SLC7A6: variants seen among roughly 807,000 people sequenced by gnomAD.
The protein encoded by SLC7A6 is solute carrier family 7 member 6.
Under a neutral mutation model 46.6 loss-of-function variants are expected in SLC7A6, and 29 were observed. The observed-to-expected ratio is 0.62, with a 90% confidence interval of 0.46 to 0.85. The LOEUF (loss-of-function observed/expected upper bound fraction) is 0.85. SLC7A6 is among the 40% of genes least tolerant of loss of function. The pLI, the probability that SLC7A6 is intolerant of heterozygous loss-of-function variation, is 0.00. For synonymous variants in SLC7A6, 276 were observed against 257.3 expected (o/e 1.07, Z -0.70); for missense variants, 527 against 647.6 (o/e 0.81, Z 2.02).
intron 7 of SLC7A6, chr16:68,291,923 A>AT (rs1371912927): frequency 4.8e-6 from 2 of 419,608 alleles, no homozygotes; most frequent in Non-Finnish European, 8.6e-6. Flanking sequence ...TTGATAGCTC[A>AT]TATTTATGTG....
At chr16:68,286,542 T>G (rs967610223) in intron 3 of SLC7A6, among the ~76,000 whole-genome samples, 7 of 152,138 alleles carry the variant, frequency 4.6e-5, no homozygotes, top group Non-Finnish European at 8.8e-5. Flanking sequence ...TAGTAAGATT[T>G]GAGGTGCACA....
chr16:68,278,653 C>A (rs1037737382), intron 3 of SLC7A6, among the ~76,000 whole-genome samples: 4 of 152,052 alleles, frequency 2.6e-5, no homozygotes, highest in Non-Finnish European at 5.9e-5. Context: ...CAACAGCATC[C>A]CAAGGCAGAA....
chr16:68,297,209 C>G (rs1285615924), intron 10 of SLC7A6, 25 bp from the exon 11 acceptor site: 12 of 1,609,376 alleles, frequency 7.5e-6, no homozygotes, highest in African/African-American at 1.3e-5. Flanking sequence ...TTACTAAACC[C>G]TGTGCTTGCT....
chr16:68,274,842 T>C lies in SLC7A6; in HGVS notation c.116T>C (p.Met39Thr), dbSNP rs1001326796. 3 of 1,614,206 alleles carry C rather than the reference T, an allele frequency of 1.9e-6. No homozygotes were observed. The Admixed American group carries it at 5.0e-5, about 27-fold the overall frequency. ...CCACCTCAAAGGTCCTCCGAAACTA[T>C]GCAGCTGAAGAAGGAGATCTCCCTG... The part of the protein sequence containing the change: ...SSPPQRSSET[M>T]QLKKEISLLN... Residue 39 changes from methionine (M) to threonine (T), a missense_variant, in exon 3 of 11, where the codon ATG (methionine) becomes ACG (threonine). Met to Thr is a moderately conservative substitution (Grantham distance 81, BLOSUM62 -1). Transcript: ENST00000219343.
intron 4 of SLC7A6, chr16:68,290,056 A>G (rs1299015767): frequency 1.4e-5 from 3 of 215,640 alleles, no homozygotes; most frequent in African/African-American, 6.9e-5. Flanking sequence ...AGGGTTTTGG[A>G]AGAAGTATTG....
At chr16:68,265,372 G>A (rs536726049) in intron 1 of SLC7A6, 6 of 152,326 alleles carry the variant, frequency 3.9e-5, no homozygotes, top group Admixed American at 3.9e-4. Flanking sequence ...GTAATGGTCA[G>A]TATAAATAGG....
At chr16:68,270,196 T>C (rs1172833370) in intron 2 of SLC7A6, among the ~76,000 whole-genome samples, 1 of 123,356 alleles carries the variant, frequency 8.1e-6, no homozygotes, top group Non-Finnish European at 1.7e-5. Context: ...TGTTGTCTGG[T>C]TCAGCCTCAG....
chr16:68,301,086 A>C lies in SLC7A6; in HGVS notation c.*3758A>C. ...GATTGAGGCAAAGGGGTCCTACTGT[A>C]AGTGGAAAAGACTCACTCCCCTAAC... On this transcript the variant is annotated 3_prime_UTR_variant, in exon 11 of 11. Coordinates refer to ENST00000219343, the MANE Select transcript of SLC7A6 (RefSeq NM_003983.6). 7.7e-7 allele frequency: 1 copy of C among 1,294,110 alleles called. No homozygotes were observed. The highest frequency in any genetic ancestry group is 9.8e-7 in the Non-Finnish European group (1 of 1,019,436). 80.2% of individuals were successfully genotyped at this position (1,294,110 alleles called of 1,614,324 possible). A position where few individuals can be genotyped will look rare whatever the true frequency, so the allele number is the denominator to read the frequency against.
At position 68,281,100 on chromosome 16, in the gene SLC7A6, T is replaced by A. The variant is rs1596986046; in HGVS notation, c.523+5851T>A. On this transcript the variant is annotated intron_variant, in intron 3 of 10. Coordinates refer to ENST00000219343, the MANE Select transcript of SLC7A6 (RefSeq NM_003983.6). ...CTGTAGTCCTCCACTTCTTGTATTATCCCCAGACTTTCTTGCCTTTGCTCA... is the reference window on the plus strand; with the variant it reads ...CTGTAGTCCTCCACTTCTTGTATTAACCCCAGACTTTCTTGCCTTTGCTCA... Among the ~76,000 whole-genome samples, 5 of 152,178 alleles carry A rather than the reference T, an allele frequency of 3.3e-5. No homozygotes were observed. In the South Asian group the frequency reaches 8.3e-4, roughly 25 times the overall value.
intron 8 of SLC7A6, 75 bp from the exon 9 acceptor site, chr16:68,296,289 A>G: frequency 6.4e-7 from 1 of 1,555,660 alleles, no homozygotes; most frequent in Admixed American, 1.7e-5. Flanking sequence ...TCTAGTACTG[A>G]CTGCTGGGTG....
chr16:68,284,975 G>C (rs1453573072), intron 3 of SLC7A6, among the ~76,000 whole-genome samples: 2 of 149,038 alleles, frequency 1.3e-5, no homozygotes, highest in African/African-American at 4.9e-5. Flanking sequence ...GGGTTCGGCA[G>C]TTCTCCCACC....
chr16:68,283,045 G>C (rs982797007), intron 3 of SLC7A6, among the ~76,000 whole-genome samples: 6 of 152,176 alleles, frequency 3.9e-5, no homozygotes, highest in African/African-American at 1.4e-4. Context: ...GTTGCCTGTG[G>C]GAAAAGAGAG....
intron 8 of SLC7A6, 71 bp downstream of exon 8, chr16:68,294,872 T>C (rs2043131919): frequency 1.9e-6 from 2 of 1,040,254 alleles, no homozygotes; most frequent in Non-Finnish European, 3.0e-6. Flanking sequence ...GCTAAGTTGT[T>C]AAATAAGAGG....
At chr16:68,284,859 CTTTTT>C (rs71384525) in intron 3 of SLC7A6, among the ~76,000 whole-genome samples, 12 of 95,644 alleles carry the variant, frequency 1.3e-4, no homozygotes, top group African/African-American at 5.1e-4. Flanking sequence ...ATTTTCTCGT[CTTTTT>C]TTTTTTTTTT....
intron 3 of SLC7A6, among the ~76,000 whole-genome samples, chr16:68,282,877 C>CA (rs1182562633): frequency 6.6e-6 from 1 of 152,222 alleles, no homozygotes; most frequent in Non-Finnish European, 1.5e-5. Context: ...CTCGGCCTCC[C>CA]AAAGTGCTGG....
chr16:68,277,472 C>G (rs1596979517), intron 3 of SLC7A6, among the ~76,000 whole-genome samples: 1 of 151,658 alleles, frequency 6.6e-6, no homozygotes, highest in African/African-American at 2.4e-5. Context: ...CCACCGTGCC[C>G]GGCTAATTTT....
At chr16:68,291,407 C>CT in intron 6 of SLC7A6, 75 bp downstream of exon 6, 1 of 1,595,322 alleles carries the variant, frequency 6.3e-7, no homozygotes. Context: ...GTCTGTCTTA[C>CT]TGCACCCTCC....
intron 3 of SLC7A6, among the ~76,000 whole-genome samples, chr16:68,285,318 A>C (rs1004077271): frequency 3.9e-5 from 6 of 152,200 alleles, no homozygotes; most frequent in African/African-American, 1.2e-4. Context: ...ATTCCCAAGA[A>C]GGAGCTGGGC....
chr16:68,290,580 G>C (rs1413154719), intron 5 of SLC7A6, 40 bp downstream of exon 5: 1 of 1,612,286 alleles, frequency 6.2e-7, no homozygotes, highest in Non-Finnish European at 8.5e-7. Flanking sequence ...AGCTTGGCTG[G>C]AACTCCTGCT....
Sources: gnomAD v4.1 joint callset for allele counts (sites outside exome capture counted in the v4.1 genomes callset) on GRCh38, gnomAD v4.1.1 for gene constraint, MANE v1.5 for transcripts, NCBI Gene and HGNC (gene_info 2026-07-23, HGNC 2026-07-21) for gene names.